DNASE1L2: variants seen among roughly 807,000 people sequenced by gnomAD.
DNASE1L2 encodes deoxyribonuclease 1 like 2, also known as deoxyribonuclease-1-like 2.
Under a neutral mutation model 31.8 loss-of-function variants are expected in DNASE1L2, and 35 were observed. The ratio of observed to expected loss-of-function variants is 1.10; its 90% CI spans 0.84 to 1.46. The LOEUF (loss-of-function observed/expected upper bound fraction) is 1.46. DNASE1L2 is among the 40% of genes most tolerant of loss of function. DNASE1L2 has a pLI of 0.00. For synonymous variants in DNASE1L2, 211 were observed against 186.5 expected, an observed-to-expected ratio of 1.13 and a Z score of -1.07; for missense variants, 504 against 418.8, an observed-to-expected ratio of 1.20 and a Z score of -1.77.
rs766007984 is a variant in DNASE1L2 at position 2,236,973 on chromosome 16, CCGGGG to C, written c.144+22_144+26del. 62 of 1,551,018 alleles carry C rather than the reference CCGGGG, an allele frequency of 4.0e-5. No homozygotes were observed. The highest frequency in any genetic ancestry group is 1.7e-4 in the Middle Eastern group (1 of 5,986). ...CATCATCGCGAAGGTGGGGCCCGGG[CCGGGG>C]CGGGGCGGCGTTTAGGGGTGCTGAC... On this transcript the variant is annotated intron_variant, in intron 2 of 6. Coordinates refer to ENST00000320700, the MANE Select transcript of DNASE1L2 (RefSeq NM_001374.3).
rs754385908 is a variant in DNASE1L2 at position 2,237,249 on chromosome 16, A to G, written c.265A>G (p.Ser89Gly). ...CGAGCACGAGTACAGCTTTGTGAGC[A>G]GCCAGCCCCTGGGCCGGGACCAGTA... is the stretch of plus-strand genomic sequence containing the variant. ...VSEHEYSFVS[S>G]QPLGRDQYKE... Residue 89 changes from serine (S) to glycine (G), a missense_variant, in exon 4 of 7, where the codon AGC becomes GGC. Transcript: ENST00000320700. The G allele has an allele frequency of 5.2e-5, 83 of 1,585,414 alleles. No homozygotes were observed. The highest frequency in any genetic ancestry group is 6.9e-5 in the Non-Finnish European group (80 of 1,166,914).
At position 2,237,656 on chromosome 16, in the gene DNASE1L2, C is replaced by A. The variant is rs757606487; in HGVS notation, c.591+7C>A. On this transcript the variant is annotated splice_region_variant and intron_variant, in intron 5 of 6. Coordinates refer to ENST00000320700, the MANE Select transcript of DNASE1L2 (RefSeq NM_001374.3). ...CGACAAGTGGGGCACCGACGTAAGC[C>A]CACCCCTCGGTCCCGGGGTCCCTGC... 1 of 1,594,464 alleles carries A rather than the reference C, an allele frequency of 6.3e-7. No individual in the cohort carries two copies. Among genetic ancestry groups the A allele is most frequent in the Non-Finnish European group, 8.6e-7 (1 of 1,167,680 alleles).
chr16:2,237,977 G>C lies in DNASE1L2; in HGVS notation c.802G>C (p.Val268Leu). 6.2e-7 allele frequency: 1 copy of C among 1,607,388 alleles called. No individual in the cohort carries two copies. The highest frequency in any genetic ancestry group is 8.5e-7 in the Non-Finnish European group (1 of 1,178,070). The change falls in exon 6 of 7, where the codon GTG becomes CTG. Residue 268 changes from valine (V) to leucine (L), a missense_variant. Coordinates refer to ENST00000320700, the MANE Select transcript of DNASE1L2 (RefSeq NM_001374.3). ...GAGCCTGAAGCCCCAGTCGGCCACCGTGCACGACTTCCAGGAGGAATTCGG... is the reference window on the plus strand; with the variant it reads ...GAGCCTGAAGCCCCAGTCGGCCACCCTGCACGACTTCCAGGAGGAATTCGG... The part of the protein sequence containing the change: ...RRSLKPQSAT[V>L]HDFQEEFGLD...
Position 2,236,585 on chromosome 16 carries a change from TG to T in DNASE1L2, c.-40+29del. 2 of 1,312,006 alleles carry T rather than the reference TG, an allele frequency of 1.5e-6. 1 individual carries two copies. Among genetic ancestry groups the T allele is most frequent in the South Asian group, 4.8e-5 (2 of 41,952 alleles). 81.3% of individuals were successfully genotyped at this position (1,312,006 alleles called of 1,614,324 possible). On this transcript the variant is annotated intron_variant, in intron 1 of 6. Coordinates refer to ENST00000320700, the MANE Select transcript of DNASE1L2 (RefSeq NM_001374.3). Reference sequence around the variant, plus strand: ...GGTGAGTCTCTCGGCTGCCCTGAGCTGGGGCTGGATGGGCCGGACCCTCCAT... The same window carrying T: ...GGTGAGTCTCTCGGCTGCCCTGAGCTGGGCTGGATGGGCCGGACCCTCCAT...
chr16:2,237,417 A>C lies in DNASE1L2; in HGVS notation c.359A>C (p.Asp120Ala), dbSNP rs769035925. The C allele has an allele frequency of 1.3e-6, 2 of 1,598,810 alleles. No individual in the cohort carries two copies. The highest frequency in any genetic ancestry group is 1.7e-6 in the Non-Finnish European group (2 of 1,176,116). ...VSVVDTYLYP[D>A]PEDVFSREPF... ...GTCGTGGACACCTACCTGTACCCAG[A>C]CCCCGAGGACGTCTTCAGCCGCGAG... Residue 120 changes from aspartate to alanine, a missense_variant, in exon 5 of 7, where the codon GAC becomes GCC. Transcript: ENST00000320700.
At chr16:2,237,680 G>A (rs2093516623) in intron 5 of DNASE1L2, 31 bp downstream of exon 5, 1 of 1,589,542 alleles carries the variant, frequency 6.3e-7, no homozygotes, top group Non-Finnish European at 8.6e-7. Flanking sequence ...CGGGGTCCCT[G>A]CAGGCGCGCC....
rs772659693 is a variant in DNASE1L2, at chr16:2,238,701, C to T, written c.*283C>T. 1.9e-5 allele frequency: 9 copies of T among 473,706 alleles called. No homozygotes were observed. The highest frequency in any genetic ancestry group is 9.8e-5 in the African/African-American group (5 of 51,186). 29.3% of individuals were successfully genotyped at this position (473,706 alleles called of 1,614,324 possible). A position where few individuals can be genotyped will look rare whatever the true frequency, so the allele number is the denominator to read the frequency against. On this transcript the variant is annotated 3_prime_UTR_variant, in exon 7 of 7. Coordinates refer to ENST00000320700, the MANE Select transcript of DNASE1L2 (RefSeq NM_001374.3). Reference sequence around the variant, plus strand: ...GCTCAATAAATGAGCTGCTCCCGGTCGGGCCCCACAGCTTGGCTCCCAGGC... The same window carrying T: ...GCTCAATAAATGAGCTGCTCCCGGTTGGGCCCCACAGCTTGGCTCCCAGGC...
In DNASE1L2 at chr16:2,237,578, C is replaced by A. The variant is rs2093516018; in HGVS notation, c.520C>A (p.His174Asn). The A allele has an allele frequency of 6.2e-7, 1 of 1,611,226 alleles. No individual in the cohort carries two copies. Among genetic ancestry groups the A allele is most frequent in the Admixed American group, 1.7e-5 (1 of 59,884 alleles). Residue 174 changes from histidine to asparagine, a missense_variant, in exon 5 of 7, where the codon CAT becomes AAT. Physicochemically the swap from His to Asn is moderately conservative, Grantham distance 68. Transcript: ENST00000320700. The part of the protein sequence containing the change: ...LVLIPLHAAP[H>N]QAVAEIDALY... ...GCTGATCCCGCTGCACGCGGCGCCG[C>A]ATCAAGCCGTGGCGGAGATCGACGC...
Position 2,237,415 on chromosome 16 carries a change from A to G in DNASE1L2, c.357A>G (p.Pro119=). 6.2e-7 allele frequency: 1 copy of G among 1,600,432 alleles called. No individual in the cohort carries two copies. The change falls in exon 5 of 7, where the codon CCA becomes CCG. Residue 119 remains proline, a synonymous_variant. Transcript: ENST00000320700. ...AVSVVDTYLY[P]DPEDVFSREP... ...CGGTCGTGGACACCTACCTGTACCCAGACCCCGAGGACGTCTTCAGCCGCG... is the reference window on the plus strand; with the variant it reads ...CGGTCGTGGACACCTACCTGTACCCGGACCCCGAGGACGTCTTCAGCCGCG...
chr16:2,238,520 AGGCAGAGTC>A lies in DNASE1L2; in HGVS notation c.*106_*114del. ...GCAGCCACCCTTCAGTGAGGCCCCA[AGGCAGAGTC>A]GGCTGGGCGTGGACCAGGGGCCATG... On this transcript the variant is annotated 3_prime_UTR_variant, in exon 7 of 7. Transcript: ENST00000320700. 7.0e-7 allele frequency: 1 copy of A among 1,425,578 alleles called. No individual in the cohort carries two copies. The allele number at this position is 1,425,578 out of a possible 1,614,324, so 88.3% of individuals were successfully genotyped here. A position where few individuals can be genotyped will look rare whatever the true frequency, so the allele number is the denominator to read the frequency against.
rs768519375 is a variant in DNASE1L2 at position 2,237,917 on chromosome 16, G to A, written c.742G>A (p.Asp248Asn). ...GGTGGGCAACTCAGACTGCGCCTAC[G>A]ACCGCATTGTGGCCTGTGGCGCCCG... ...TTVGNSDCAY[D>N]RIVACGARLR... Residue 248 changes from aspartate to asparagine, a missense_variant, in exon 6 of 7, where the codon GAC (aspartate) becomes AAC (asparagine). Coordinates refer to ENST00000320700, the MANE Select transcript of DNASE1L2 (RefSeq NM_001374.3). 9.3e-6 allele frequency: 15 copies of A among 1,611,630 alleles called. No homozygotes were observed. Among genetic ancestry groups the A allele is most frequent in the Non-Finnish European group, 1.2e-5 (14 of 1,179,630 alleles).
rs1228010384 is a variant in DNASE1L2 at position 2,236,502 on chromosome 16, C to T, written c.-98C>T. ...GTGTCGGACACGCCCGCAGCCTGGA[C>T]CCGGGATCCCCATCCCCCTAGGATC... is the stretch of plus-strand genomic sequence containing the variant. On this transcript the variant is annotated 5_prime_UTR_variant, in exon 1 of 7. Coordinates refer to ENST00000320700, the MANE Select transcript of DNASE1L2 (RefSeq NM_001374.3). 8.5e-7 allele frequency: 1 copy of T among 1,173,230 alleles called. No homozygotes were observed. The highest frequency in any genetic ancestry group is 1.1e-6 in the Non-Finnish European group (1 of 950,270). The allele number at this position is 1,173,230 out of a possible 1,614,324, so 72.7% of individuals were successfully genotyped here. A position where few individuals can be genotyped will look rare whatever the true frequency, so the allele number is the denominator to read the frequency against.
chr16:2,236,696 G>A, intron 1 of DNASE1L2, 82 bp from the exon 2 acceptor site: 5 of 1,427,148 alleles, frequency 3.5e-6, no homozygotes, highest in Non-Finnish European at 9.1e-7. Context: ...ACGCAGGGGC[G>A]GATTCCGCGT....
chr16:2,237,269 C>T lies in DNASE1L2; in HGVS notation c.285C>T (p.Asp95=), dbSNP rs900507393. 5 of 1,589,224 alleles carry T rather than the reference C, an allele frequency of 3.1e-6. No individual in the cohort carries two copies. The highest frequency in any genetic ancestry group is 1.3e-5 in the African/African-American group (1 of 74,618). Residue 95 remains aspartate, a synonymous_variant, in exon 4 of 7, where the codon GAC becomes GAT. Coordinates refer to ENST00000320700, the MANE Select transcript of DNASE1L2 (RefSeq NM_001374.3). ...TGAGCAGCCAGCCCCTGGGCCGGGA[C>T]CAGTACAAGGAGATGTACCTGTTCG... is the stretch of plus-strand genomic sequence containing the variant. ...SFVSSQPLGR[D]QYKEMYLFVY...
intron 6 of DNASE1L2, 147 bp from the exon 7 acceptor site, chr16:2,238,215 A>T: frequency 7.2e-7 from 1 of 1,394,244 alleles, no homozygotes; most frequent in Non-Finnish European, 9.8e-7. Flanking sequence ...CTTTCCCTCA[A>T]AGGGCCAGTG....
Position 2,236,943 on chromosome 16 carries a change from G to T in DNASE1L2, c.127G>T (p.Gly43Cys). The change falls in exon 2 of 7, where the codon GGC (glycine) becomes TGC (cysteine). Residue 43 changes from glycine to cysteine, a missense_variant. Physicochemically the swap from Gly to Cys is radical, Grantham distance 159. Coordinates refer to ENST00000320700, the MANE Select transcript of DNASE1L2 (RefSeq NM_001374.3). ...CAGCAAAGTGTCGGACCCCGCTTGCGGCAGCATCATCGCGAAGGTGGGGCC... is the reference window on the plus strand; with the variant it reads ...CAGCAAAGTGTCGGACCCCGCTTGCTGCAGCATCATCGCGAAGGTGGGGCC... Reference protein sequence around the residue: ...GDSKVSDPACGSIIAKILAGY... With the variant: ...GDSKVSDPACCSIIAKILAGY... 6.4e-7 allele frequency: 1 copy of T among 1,568,964 alleles called. No homozygotes were observed. Among genetic ancestry groups the T allele is most frequent in the Non-Finnish European group, 8.6e-7 (1 of 1,157,266 alleles).
In DNASE1L2 at chr16:2,237,920, C is replaced by T. The variant is rs1401170282; in HGVS notation, c.745C>T (p.Arg249Cys). 1.2e-6 allele frequency: 2 copies of T among 1,611,438 alleles called. No individual in the cohort carries two copies. The highest frequency in any genetic ancestry group is 2.2e-5 in the East Asian group (1 of 44,786). ...TVGNSDCAYD[R>C]IVACGARLRR... is the part of the protein sequence containing the mutation. The stretch of plus-strand genomic sequence containing the variant: ...GGGCAACTCAGACTGCGCCTACGAC[C>T]GCATTGTGGCCTGTGGCGCCCGCCT... Residue 249 changes from arginine to cysteine, a missense_variant, in exon 6 of 7, where the codon CGC (arginine) becomes TGC (cysteine). Physicochemically the swap from Arg to Cys is radical, Grantham distance 180. Transcript: ENST00000320700.
At position 2,236,953 on chromosome 16, in the gene DNASE1L2, T is replaced by C; in HGVS notation, c.137T>C (p.Ile46Thr). 1 of 1,563,194 alleles carries C rather than the reference T, an allele frequency of 6.4e-7. No individual in the cohort carries two copies. The highest frequency in any genetic ancestry group is 8.7e-7 in the Non-Finnish European group (1 of 1,154,240). Residue 46 changes from isoleucine to threonine, a missense_variant, in exon 2 of 7, where the codon ATC (isoleucine) becomes ACC (threonine). By Grantham distance (89) the Ile-to-Thr change is moderately conservative. Coordinates refer to ENST00000320700, the MANE Select transcript of DNASE1L2 (RefSeq NM_001374.3). ...TCGGACCCCGCTTGCGGCAGCATCA[T>C]CGCGAAGGTGGGGCCCGGGCCGGGG... is the stretch of plus-strand genomic sequence containing the variant. ...KVSDPACGSI[I>T]AKILAGYDLA...
Position 2,238,444 on chromosome 16 carries a change from C to T in DNASE1L2, c.*26C>T, listed in dbSNP as rs373512956. 5.0e-6 allele frequency: 8 copies of T among 1,612,922 alleles called. No homozygotes were observed. The highest frequency in any genetic ancestry group is 4.0e-5 in the African/African-American group (3 of 74,930). On this transcript the variant is annotated 3_prime_UTR_variant, in exon 7 of 7. Transcript: ENST00000320700. ...CTCGAGGCCTGGCTGGGGCATGCCA[C>T]CTGCAGACCCTGGCTCTGAGGAATG...
Sources: allele counts gnomAD v4.1 joint callset, GRCh38; gene constraint gnomAD v4.1.1; transcripts MANE v1.5; gene names NCBI Gene and HGNC (gene_info 2026-07-23, HGNC 2026-07-21).